Variants in HTD2 observed in about 807,000 individuals in gnomAD.
The protein encoded by HTD2 is hydroxyacyl-thioester dehydratase type 2, mitochondrial.
Under a neutral mutation model 3.1 loss-of-function variants are expected in HTD2, and 1 was observed. The observed-to-expected ratio is 0.32, with a 90% CI of 0.11 to 1.52. HTD2 has a LOEUF of 1.52. HTD2 is among the 40% of genes most tolerant of loss of function. The pLI, the probability that HTD2 is intolerant of heterozygous loss-of-function variation, is 0.39. For missense variants in HTD2, 150 were observed against 79.6 expected (o/e 1.88, Z -3.36); for synonymous variants, 50 against 28.9 (o/e 1.73, Z -2.34).
At position 58,317,829 on chromosome 3, in the gene HTD2, T is replaced by C. The variant is rs2097489978; in HGVS notation, c.216T>C (p.Phe72=). 4 of 703,060 alleles carry C rather than the reference T, an allele frequency of 5.7e-6. No homozygotes were observed. Among genetic ancestry groups the C allele is most frequent in the Non-Finnish European group, 1.0e-5 (4 of 385,000 alleles). The allele number at this position is 703,060 out of a possible 1,614,324, so 43.6% of individuals were successfully genotyped here. The change falls in exon 5 of 5, where the codon TTT becomes TTC. Residue 72 remains phenylalanine, a synonymous_variant. Coordinates refer to ENST00000461393, the MANE Select transcript of HTD2 (RefSeq NM_001348712.2). The part of the protein sequence containing the change: ...DVNPLHLNED[F]AKHTKFGNTI... ...ATCCTTTGCATTTGAATGAAGACTT[T>C]GCAAAACACACCAAGTTTGGAAATA...
At chr3:58,317,139 C>A in intron 4 of HTD2, 146 bp downstream of exon 4, 1 of 649,968 alleles carries the variant, frequency 1.5e-6, no homozygotes, top group Non-Finnish European at 2.6e-6. Context: ...TTGATTGTTT[C>A]CAAAAATGTG....
intron 1 of HTD2, among the ~76,000 whole-genome samples, chr3:58,307,140 G>C (rs2097476144): frequency 6.6e-6 from 1 of 152,250 alleles, no homozygotes. Flanking sequence ...GGCTAGGCCT[G>C]TGTGGTGGCG....
At chr3:58,308,579 A>G (rs1367414463) in intron 1 of HTD2, among the ~76,000 whole-genome samples, 4 of 152,084 alleles carry the variant, frequency 2.6e-5, no homozygotes, top group African/African-American at 9.7e-5. Flanking sequence ...CAAAGTATTA[A>G]TGTTTGTTGA....
At position 58,318,066 on chromosome 3, in the gene HTD2, G is replaced by C; in HGVS notation, c.453G>C (p.Lys151Asn). 1.5e-6 allele frequency: 1 copy of C among 685,850 alleles called. No individual in the cohort carries two copies. The highest frequency in any genetic ancestry group is 1.6e-5 in the South Asian group (1 of 64,088). The allele number at this position is 685,850 out of a possible 1,614,324, so 42.5% of individuals were successfully genotyped here. Reference protein sequence around the residue: ...AVSCSVIESKKTVMEGWVKVM... With the variant: ...AVSCSVIESKNTVMEGWVKVM... ...CATGTTCTGTAATAGAAAGTAAAAAGACTGTTATGGAAGGCTGGGTTAAAG... is the reference window on the plus strand; with the variant it reads ...CATGTTCTGTAATAGAAAGTAAAAACACTGTTATGGAAGGCTGGGTTAAAG... The change falls in exon 5 of 5, where the codon AAG becomes AAC. Residue 151 changes from lysine (K) to asparagine (N), a missense_variant. Coordinates refer to ENST00000461393, the MANE Select transcript of HTD2 (RefSeq NM_001348712.2).
rs756801480 is a variant in HTD2 at position 58,317,735 on chromosome 3, G to A, written c.122G>A (p.Arg41His). 3.3e-5 allele frequency: 23 copies of A among 703,410 alleles called. No homozygotes were observed. Among genetic ancestry groups the A allele is most frequent in the Middle Eastern group, 4.6e-4 (2 of 4,392 alleles). 43.6% of individuals were successfully genotyped at this position (703,410 alleles called of 1,614,324 possible). ...FQHMHIKVGD[R>H]AELRRAFTQT... ...CATATGCACATCAAAGTTGGAGACCGCGCTGAACTTAGGAGGGCCTTCACA... is the reference window on the plus strand; with the variant it reads ...CATATGCACATCAAAGTTGGAGACCACGCTGAACTTAGGAGGGCCTTCACA... Residue 41 changes from arginine to histidine, a missense_variant, in exon 5 of 5, where the codon CGC becomes CAC. Physicochemically the swap from Arg to His is conservative, Grantham distance 29. Coordinates refer to ENST00000461393, the MANE Select transcript of HTD2 (RefSeq NM_001348712.2).
intron 1 of HTD2, among the ~76,000 whole-genome samples, chr3:58,307,225 G>A (rs986613000): frequency 4.6e-5 from 7 of 152,326 alleles, no homozygotes; most frequent in Middle Eastern, 3.4e-3. Context: ...GTGAGGCAGA[G>A]CCTTGCAGGC....
At chr3:58,314,979 C>T (rs2097486790) in intron 2 of HTD2, among the ~76,000 whole-genome samples, 1 of 152,158 alleles carries the variant, frequency 6.6e-6, no homozygotes, top group Non-Finnish European at 1.5e-5. Context: ...GCCACCATGC[C>T]TGGCCAGCAG....
Position 58,311,147 on chromosome 3 carries a change from T to C in HTD2, c.-331+556T>C, listed in dbSNP as rs576784861. Among the ~76,000 whole-genome samples the C allele has an allele frequency of 9.6e-3, 1,262 of 131,972 alleles. 21 individuals carry two copies. The highest frequency in any genetic ancestry group is 0.032 in the African/African-American group (1,207 of 37,658). The allele number at this position is 131,972 out of a possible 152,430, so 86.6% of individuals were successfully genotyped here. ...CATGAAATCTACTTTTTGTTGTTGT[T>C]GTTGTTGTTGTTGTTGTTTTTCTTT... On this transcript the variant is annotated intron_variant, in intron 2 of 4. Transcript: ENST00000461393.
Position 58,320,031 on chromosome 3 carries a change from G to A in HTD2, c.*1911G>A, listed in dbSNP as rs559252505. 1.3e-4 allele frequency: 19 copies of A among 151,920 alleles called. No individual in the cohort carries two copies. Among genetic ancestry groups the A allele is most frequent in the African/African-American group, 4.6e-4 (19 of 41,356 alleles). 9.4% of individuals were successfully genotyped at this position (151,920 alleles called of 1,614,324 possible). Reference sequence around the variant, plus strand: ...CACCAGTCTACTTTCTGTCTCTATGGGTTTCCCTGTTCTGGACATTTCATA... The same window carrying A: ...CACCAGTCTACTTTCTGTCTCTATGAGTTTCCCTGTTCTGGACATTTCATA... On this transcript the variant is annotated 3_prime_UTR_variant, in exon 5 of 5. Transcript: ENST00000461393.
chr3:58,308,882 T>G (rs1053157279), intron 1 of HTD2, among the ~76,000 whole-genome samples: 5 of 152,190 alleles, frequency 3.3e-5, no homozygotes, highest in African/African-American at 1.2e-4. Flanking sequence ...AACTGAAAGT[T>G]GAAGGATGAA....
chr3:58,316,254 CTT>C (rs2097488199), intron 2 of HTD2, among the ~76,000 whole-genome samples: 1 of 152,186 alleles, frequency 6.6e-6, no homozygotes, highest in Non-Finnish European at 1.5e-5. Context: ...AGCAAGCTGA[CTT>C]TGTCTCATCT....
In HTD2 at chr3:58,310,480, GAC is replaced by G. The variant is rs370699331; in HGVS notation, c.-415-26_-415-25del. 3.3e-4 allele frequency: 497 copies of G among 1,512,582 alleles called. 2 individuals carry two copies. Among genetic ancestry groups the G allele is most frequent in the African/African-American group, 6.9e-4 (44 of 63,774 alleles). 93.7% of individuals were successfully genotyped at this position (1,512,582 alleles called of 1,614,324 possible). ...ATCTGAATAGAATGAAATTTAATAT[GAC>G]TTTTTTTTTTTTCACTTTTTTTAGA... is the stretch of plus-strand genomic sequence containing the variant. On this transcript the variant is annotated intron_variant, in intron 1 of 4. Coordinates refer to ENST00000461393, the MANE Select transcript of HTD2 (RefSeq NM_001348712.2).
chr3:58,312,624 T>G (rs967829141), intron 2 of HTD2, among the ~76,000 whole-genome samples: 1 of 152,050 alleles, frequency 6.6e-6, no homozygotes, highest in Admixed American at 6.6e-5. Flanking sequence ...TTTCCCATCT[T>G]GAAGAGATAA....
intron 1 of HTD2, 198 bp from the exon 2 acceptor site, chr3:58,310,309 G>A: frequency 6.2e-7 from 1 of 1,610,344 alleles, no homozygotes; most frequent in Non-Finnish European, 8.5e-7. Context: ...CTTACTGTAG[G>A]TGTGATCAGC....
chr3:58,311,160 GTT>G (rs1471029801), intron 2 of HTD2, among the ~76,000 whole-genome samples: 1 of 146,936 alleles, frequency 6.8e-6, no homozygotes, highest in African/African-American at 2.5e-5. Context: ...TGTTGTTGTT[GTT>G]GTTTTTCTTT....
intron 2 of HTD2, chr3:58,315,683 T>G (rs1030036770): frequency 1.3e-5 from 2 of 152,212 alleles, no homozygotes; most frequent in African/African-American, 2.4e-5. Flanking sequence ...TTTATTTATT[T>G]ATTTATTTTT....
chr3:58,316,922 G>C lies in HTD2; in HGVS notation c.-246G>C, dbSNP rs1332785599. 6.2e-7 allele frequency: 1 copy of C among 1,613,426 alleles called. No homozygotes were observed. On this transcript the variant is annotated 5_prime_UTR_variant, in exon 4 of 5. Coordinates refer to ENST00000461393, the MANE Select transcript of HTD2 (RefSeq NM_001348712.2). ...TTCTTGATCTTTCTGCAGTGGTCTTGTCAAATTGTGGAGCTCTTTGACCCT... is the reference window on the plus strand; with the variant it reads ...TTCTTGATCTTTCTGCAGTGGTCTTCTCAAATTGTGGAGCTCTTTGACCCT...
At chr3:58,310,710 T>C (rs142206539) in intron 2 of HTD2, 119 bp downstream of exon 2, 125 of 748,546 alleles carry the variant, frequency 1.7e-4, no homozygotes, top group Middle Eastern at 1.6e-3. Flanking sequence ...GGTGGGCAGA[T>C]CATGAGGTCA....
chr3:58,315,236 A>G (rs958931923), intron 2 of HTD2, among the ~76,000 whole-genome samples: 12 of 152,218 alleles, frequency 7.9e-5, no homozygotes, highest in African/African-American at 2.9e-4. Context: ...TTTAGACACA[A>G]TATGAATGAA....
Sources: allele counts gnomAD v4.1 joint callset (sites outside exome capture counted in the v4.1 genomes callset), GRCh38; gene constraint gnomAD v4.1.1; transcripts MANE v1.5; gene names NCBI Gene and HGNC (gene_info 2026-07-23, HGNC 2026-07-21).